FAXDC2: variants seen among roughly 807,000 people sequenced by gnomAD.
FAXDC2 encodes the protein fatty acid hydroxylase domain containing 2, also known as fatty acid hydroxylase domain-containing protein 2.
Under a neutral mutation model 40.9 loss-of-function variants are expected in FAXDC2, and 41 were observed. The observed-to-expected ratio is 1.00, with a 90% CI of 0.78 to 1.30. The LOEUF is 1.30. Among genes scored for constraint, FAXDC2 ranks in the 50% most tolerant of loss-of-function variants. The probability of loss-of-function intolerance (pLI) is 0.00; values close to 1 mark genes in which losing one functional copy is unlikely to be tolerated. For missense variants in FAXDC2, 390 were observed against 408.8 expected, an observed-to-expected ratio of 0.95 and a Z score of 0.40; for synonymous variants, 157 against 149.3, an observed-to-expected ratio of 1.05 and a Z score of -0.38.
At chr5:154,837,295 G>A (rs905267221) in intron 2 of FAXDC2, among the ~76,000 whole-genome samples, 1 of 150,844 alleles carries the variant, frequency 6.6e-6, no homozygotes, top group African/African-American at 2.5e-5. Context: ...TTGTTTGTTT[G>A]TTTGTTTGTT....
Position 154,820,422 on chromosome 5 carries a change from G to T in FAXDC2, c.896C>A (p.Thr299Asn). The change falls in exon 9 of 9, where the codon ACT becomes AAT. Residue 299 changes from threonine to asparagine, a missense_variant. Transcript: ENST00000326080. The stretch of plus-strand genomic sequence containing the variant: ...CTTGGTCTGCTTGAACATGGTGTCA[G>T]TCCCATGGAGGTGGTCCAGCACACC... The part of the protein sequence containing the change: ...VLGVLDHLHG[T>N]DTMFKQTKAY... 1 of 1,613,114 alleles carries T rather than the reference G, an allele frequency of 6.2e-7. No individual in the cohort carries two copies. Among genetic ancestry groups the T allele is most frequent in the Non-Finnish European group, 8.5e-7 (1 of 1,179,796 alleles).
chr5:154,824,785 A>G, intron 5 of FAXDC2: 1 of 520,670 alleles, frequency 1.9e-6, no homozygotes, highest in Non-Finnish European at 3.4e-6. Flanking sequence ...TAGACACAAC[A>G]AATATAAAAA....
In FAXDC2 at chr5:154,820,142, T is replaced by A; in HGVS notation, c.*174A>T. 1 of 599,386 alleles carries A rather than the reference T, an allele frequency of 1.7e-6. No homozygotes were observed. Among genetic ancestry groups the A allele is most frequent in the Non-Finnish European group, 3.1e-6 (1 of 327,568 alleles). The allele number at this position is 599,386 out of a possible 1,614,324, so 37.1% of individuals were successfully genotyped here. ...ATTGAGGGACATCAAGGGCAGTAGT[T>A]TGAAGAAAGCCTCATCCTTGGCCCT... On this transcript the variant is annotated 3_prime_UTR_variant, in exon 9 of 9. Coordinates refer to ENST00000326080, the MANE Select transcript of FAXDC2 (RefSeq NM_032385.5).
chr5:154,824,777 G>T (rs1479709375), intron 5 of FAXDC2: 21 of 539,620 alleles, frequency 3.9e-5, no homozygotes, highest in Non-Finnish European at 9.9e-6. Flanking sequence ...AGGTAGACTA[G>T]ACACAACAAA....
intron 8 of FAXDC2, chr5:154,820,906 A>G (rs1582517084): frequency 3.6e-6 from 1 of 281,378 alleles, no homozygotes; most frequent in East Asian, 1.1e-4. Flanking sequence ...ATTCTGGTAT[A>G]GGAGGTTTGT....
intron 2 of FAXDC2, 88 bp downstream of exon 2, chr5:154,838,043 G>A (rs1760394585): frequency 3.5e-6 from 3 of 861,808 alleles, no homozygotes; most frequent in South Asian, 2.8e-5. Flanking sequence ...AACCTTGGGG[G>A]AGATGTTGGA....
intron 5 of FAXDC2, among the ~76,000 whole-genome samples, chr5:154,828,344 C>T (rs1440095580): frequency 6.6e-6 from 1 of 151,626 alleles, no homozygotes; most frequent in East Asian, 1.9e-4. Flanking sequence ...AAAAAATTTA[C>T]CACGTTTGTA....
intron 1 of FAXDC2, among the ~76,000 whole-genome samples, chr5:154,842,125 G>A (rs1421676703): frequency 1.3e-5 from 2 of 152,082 alleles, no homozygotes; most frequent in African/African-American, 4.8e-5. Context: ...GTGGTGTTAG[G>A]TACTTTTAGG....
chr5:154,848,651 G>A (rs906151206), intron 1 of FAXDC2, among the ~76,000 whole-genome samples: 3 of 152,142 alleles, frequency 2.0e-5, no homozygotes, highest in African/African-American at 7.2e-5. Context: ...ATAGAAGATA[G>A]AGTGGCCGAT....
Position 154,820,254 on chromosome 5 carries a change from T to C in FAXDC2, c.*62A>G. On this transcript the variant is annotated 3_prime_UTR_variant, in exon 9 of 9. Coordinates refer to ENST00000326080, the MANE Select transcript of FAXDC2 (RefSeq NM_032385.5). Reference sequence around the variant, plus strand: ...GAAGGAGGCAAATTGTTAGGTGCAATCAGGAAGCCGTGTCTGCATCCCATG... The same window carrying C: ...GAAGGAGGCAAATTGTTAGGTGCAACCAGGAAGCCGTGTCTGCATCCCATG... The C allele has an allele frequency of 7.2e-7, 1 of 1,392,522 alleles. No individual in the cohort carries two copies. The highest frequency in any genetic ancestry group is 1.4e-5 in the South Asian group (1 of 72,848). 86.3% of individuals were successfully genotyped at this position (1,392,522 alleles called of 1,614,324 possible).
chr5:154,823,562 G>A lies in FAXDC2; in HGVS notation c.397C>T (p.Arg133Cys), dbSNP rs774159244. Residue 133 changes from arginine (R) to cysteine (C), a missense_variant, in exon 6 of 9, where the codon CGC becomes TGC. Transcript: ENST00000326080. ...ATGCACTGGTTGAAAAGAACTGTGC[G>A]GATAGACTGGCGCAGTTTCACAGGA... ...VDPVKLRQSIRTVLFNQCMIS... is the reference protein window; with the variant it reads ...VDPVKLRQSICTVLFNQCMIS... 37 of 1,613,986 alleles carry A rather than the reference G, an allele frequency of 2.3e-5. 2 individuals carry two copies. The Admixed American group carries it at 3.8e-4, about 17-fold the overall frequency.
At chr5:154,845,356 T>A (rs995028560) in intron 1 of FAXDC2, among the ~76,000 whole-genome samples, 1 of 152,234 alleles carries the variant, frequency 6.6e-6, no homozygotes, top group African/African-American at 2.4e-5. Flanking sequence ...TTTTGGCAAA[T>A]AAAACTAGCA....
At chr5:154,832,349 G>T (rs2113145874) in intron 4 of FAXDC2, among the ~76,000 whole-genome samples, 1 of 152,158 alleles carries the variant, frequency 6.6e-6, no homozygotes, top group Non-Finnish European at 1.5e-5. Context: ...GAGTAGCTGG[G>T]ACTACTGGCG....
At chr5:154,833,491 A>AT (rs1760243945) in intron 4 of FAXDC2, among the ~76,000 whole-genome samples, 1 of 151,500 alleles carries the variant, frequency 6.6e-6, no homozygotes, top group African/African-American at 2.4e-5. Flanking sequence ...GATTACAGGC[A>AT]CGCACCACCA....
rs1760010884 is a variant in FAXDC2 at position 154,825,650 on chromosome 5, C to CAAAAAAAAAAGAAAAAA, written c.367-2059_367-2058insTTTTTTCTTTTTTTTTT. Among the ~76,000 whole-genome samples the CAAAAAAAAAAGAAAAAA allele has an allele frequency of 6.6e-5, 2 of 30,150 alleles. 1 individual carries two copies. The highest frequency in any genetic ancestry group is 1.2e-4 in the Non-Finnish European group (2 of 17,294). 19.8% of individuals were successfully genotyped at this position (30,150 alleles called of 152,430 possible). On this transcript the variant is annotated intron_variant, in intron 5 of 8. Transcript: ENST00000326080. ...TGGGTGACAGAGTGAGACTCCGTCT[C>CAAAAAAAAAAGAAAAAA]AAAAAAAAAAAAAAAAAAGCAGTAA...
rs1760273748 is a variant in FAXDC2, at chr5:154,834,660, G to A, written c.209C>T (p.Thr70Ile). ...WQAQWERLLT[T>I]FEGKEWILFF... Reference sequence around the variant, plus strand: ...GAGGATCCACTCCTTCCCTTCAAATGTAGTCAGCAGCCTCTCCCACTGGGC... The same window carrying A: ...GAGGATCCACTCCTTCCCTTCAAATATAGTCAGCAGCCTCTCCCACTGGGC... The change falls in exon 4 of 9, where the codon ACA becomes ATA. Residue 70 changes from threonine to isoleucine, a missense_variant. By Grantham distance (89) the Thr-to-Ile change is moderately conservative. Transcript: ENST00000326080. 1 of 1,613,884 alleles carries A rather than the reference G, an allele frequency of 6.2e-7. No individual in the cohort carries two copies. Among genetic ancestry groups the A allele is most frequent in the Non-Finnish European group, 8.5e-7 (1 of 1,179,950 alleles).
intron 1 of FAXDC2, among the ~76,000 whole-genome samples, chr5:154,848,865 G>T (rs1386682337): frequency 1.3e-5 from 2 of 152,030 alleles, no homozygotes; most frequent in Non-Finnish European, 2.9e-5. Flanking sequence ...TGCTCTGGAG[G>T]CTGAGACAGG....
At chr5:154,841,250 AG>A (rs1760469341) in intron 1 of FAXDC2, among the ~76,000 whole-genome samples, 1 of 152,190 alleles carries the variant, frequency 6.6e-6, no homozygotes, top group Non-Finnish European at 1.5e-5. Context: ...ACTGACAGCA[AG>A]GGAAGCTACT....
At chr5:154,842,282 C>T (rs1760492747) in intron 1 of FAXDC2, among the ~76,000 whole-genome samples, 1 of 152,008 alleles carries the variant, frequency 6.6e-6, no homozygotes, top group African/African-American at 2.4e-5. Flanking sequence ...ACGGCAACCT[C>T]CACCTCCTGG....
Sources: gnomAD v4.1 joint callset for allele counts (sites outside exome capture counted in the v4.1 genomes callset) on GRCh38, gnomAD v4.1.1 for gene constraint, MANE v1.5 for transcripts, NCBI Gene and HGNC (gene_info 2026-07-23, HGNC 2026-07-21) for gene names.